The following DENND5B variants were observed in gnomAD, a reference collection of about 807,000 sequenced individuals.
DENND5B encodes DENN domain containing 5B.
A neutral mutation model predicts 140.6 loss-of-function variants in DENND5B; 34 were observed. The observed-to-expected ratio is 0.24, with a 90% confidence interval of 0.18 to 0.32. The LOEUF is 0.32. DENND5B is among the 10% of genes least tolerant of loss of function. DENND5B has a pLI of 1.00. For synonymous variants in DENND5B, 551 were observed against 562.1 expected, an observed-to-expected ratio of 0.98 and a Z score of 0.28; for missense variants, 1,142 against 1,560.2, an observed-to-expected ratio of 0.73 and a Z score of 4.52.
intron 10 of DENND5B, 110 bp downstream of exon 10, chr12:31,424,425 C>A: frequency 7.5e-7 from 1 of 1,338,038 alleles, no homozygotes; most frequent in East Asian, 2.6e-5. Flanking sequence ...TTTCTAGTCC[C>A]CTTGTGACAA....
At chr12:31,492,215 A>G (rs1946554959) in intron 2 of DENND5B, among the ~76,000 whole-genome samples, 1 of 152,222 alleles carries the variant, frequency 6.6e-6, no homozygotes, top group Admixed American at 6.5e-5. Flanking sequence ...CTTACATAAA[A>G]TAACCTCAGG....
At chr12:31,471,144 G>A (rs566618687) in intron 3 of DENND5B, among the ~76,000 whole-genome samples, 43 of 150,366 alleles carry the variant, frequency 2.9e-4, no homozygotes, top group Non-Finnish European at 4.1e-4. Context: ...TGGTCAGGGC[G>A]TGACAACTAG....
At chr12:31,511,169 TTCC>T (rs1160678276) in intron 1 of DENND5B, among the ~76,000 whole-genome samples, 2 of 151,960 alleles carry the variant, frequency 1.3e-5, no homozygotes, top group African/African-American at 4.8e-5. Flanking sequence ...AGCCCTGGAG[TTCC>T]AGACTGCAAT....
At chr12:31,444,444 A>C (rs1944184702) in intron 6 of DENND5B, among the ~76,000 whole-genome samples, 1 of 152,140 alleles carries the variant, frequency 6.6e-6, no homozygotes, top group African/African-American at 2.4e-5. Flanking sequence ...GGGTTTCACC[A>C]CATTGGCCAG....
chr12:31,549,454 A>G (rs1016933606), intron 1 of DENND5B, among the ~76,000 whole-genome samples: 1 of 151,870 alleles, frequency 6.6e-6, no homozygotes, highest in African/African-American at 2.4e-5. Context: ...CTAATTTTCT[A>G]TTCTTTAGAA....
rs766280264 is a variant in DENND5B at position 31,495,905 on chromosome 12, G to T, written c.142C>A (p.Gln48Lys). 3.1e-6 allele frequency: 5 copies of T among 1,608,432 alleles called. No individual in the cohort carries two copies. The highest frequency in any genetic ancestry group is 4.2e-6 in the Non-Finnish European group (5 of 1,177,608). ...TTGAATGTTCTTCTCAAAGGACTCT[G>T]GTCAAAATTTTCGCCTACAACAAAT... ...PDELAGENFDQSPLRRTFKSK... is the reference protein window; with the variant it reads ...PDELAGENFDKSPLRRTFKSK... Residue 48 changes from glutamine to lysine, a missense_variant, in exon 2 of 21, where the codon CAG becomes AAG. Transcript: ENST00000389082.
intron 1 of DENND5B, among the ~76,000 whole-genome samples, chr12:31,519,410 T>C (rs1468944498): frequency 6.6e-6 from 1 of 152,216 alleles, no homozygotes; most frequent in African/African-American, 2.4e-5. Flanking sequence ...TCTAAAAACT[T>C]TGTTAATGGA....
intron 4 of DENND5B, among the ~76,000 whole-genome samples, chr12:31,457,623 A>G (rs535995711): frequency 1.9e-3 from 295 of 152,326 alleles, no homozygotes; most frequent in Non-Finnish European, 2.9e-3. Context: ...CTCATTGTAA[A>G]ATGATACCAG....
At chr12:31,501,992 C>G (rs890606685) in intron 1 of DENND5B, among the ~76,000 whole-genome samples, 1 of 151,920 alleles carries the variant, frequency 6.6e-6, no homozygotes, top group Non-Finnish European at 1.5e-5. Flanking sequence ...AAATTACATT[C>G]CAGTATTTAA....
intron 1 of DENND5B, among the ~76,000 whole-genome samples, chr12:31,504,970 G>C (rs192912761): frequency 1.3e-5 from 2 of 152,282 alleles, no homozygotes; most frequent in South Asian, 2.1e-4. Flanking sequence ...TTGTGAAGTA[G>C]AGTGCCTCCC....
At chr12:31,520,810 G>A (rs1027357505) in intron 1 of DENND5B, among the ~76,000 whole-genome samples, 9 of 151,704 alleles carry the variant, frequency 5.9e-5, no homozygotes, top group African/African-American at 1.5e-4. Context: ...AAAGTGCTGG[G>A]ATTACAGGGG....
chr12:31,443,044 T>TTTTGTG, intron 6 of DENND5B, 119 bp from the exon 7 acceptor site: 2 of 506,162 alleles, frequency 4.0e-6, no homozygotes. Flanking sequence ...GAAACAGATA[T>TTTTGTG]TGTGTGTGTG....
At chr12:31,487,547 A>G (rs1296231129) in intron 2 of DENND5B, among the ~76,000 whole-genome samples, 1 of 152,064 alleles carries the variant, frequency 6.6e-6, no homozygotes, top group African/African-American at 2.4e-5. Context: ...CTAAAAATAC[A>G]AAAAATTAGC....
chr12:31,479,734 A>G lies in DENND5B; in HGVS notation c.759T>C (p.Pro253=), dbSNP rs778714211. 6.2e-7 allele frequency: 1 copy of G among 1,601,210 alleles called. No individual in the cohort carries two copies. The highest frequency in any genetic ancestry group is 1.1e-5 in the South Asian group (1 of 88,792). ...RSLKFYGVYE[P]VICQRPGPSE... ...TGGGCCCAGGCCTCTGGCAGATGAC[A>G]GGTTCATAAACACCATAAAATTTCA... Residue 253 remains proline (P), a synonymous_variant, in exon 3 of 21, where the codon CCT becomes CCC. Transcript: ENST00000389082.
rs1235056871 is a variant in DENND5B at position 31,562,366 on chromosome 12, T to G, written c.127+28340A>C. 2.6e-5 allele frequency among the ~76,000 whole-genome samples: 4 copies of G among 152,096 alleles called. No homozygotes were observed. The East Asian group carries it at 7.7e-4, about 29-fold the overall frequency. On this transcript the variant is annotated intron_variant, in intron 1 of 20. Coordinates refer to ENST00000389082, the MANE Select transcript of DENND5B (RefSeq NM_144973.4). ...AGCTCATGCCTATAATCCCAGCACG[T>G]TGGGAGGCCGAGGCAGGCGGATCAC...
chr12:31,404,056 A>G (rs1941985094), intron 14 of DENND5B, among the ~76,000 whole-genome samples: 1 of 151,762 alleles, frequency 6.6e-6, no homozygotes, highest in South Asian at 2.1e-4. Flanking sequence ...CCTTGTCTCT[A>G]TACAAAATAA....
intron 14 of DENND5B, among the ~76,000 whole-genome samples, chr12:31,406,693 GATTAA>G (rs1369056564): frequency 2.6e-5 from 4 of 152,142 alleles, no homozygotes; most frequent in Non-Finnish European, 5.9e-5. Context: ...AAAGCAATAT[GATTAA>G]ATTTAAAAAT....
At chr12:31,423,742 A>C (rs1025914569) in intron 10 of DENND5B, 67 bp from the exon 11 acceptor site, 1 of 1,504,162 alleles carries the variant, frequency 6.6e-7, no homozygotes, top group Non-Finnish European at 9.2e-7. Context: ...TCTCATCCAA[A>C]TCATTCATAT....
rs1591955502 is a variant in DENND5B at position 31,511,755 on chromosome 12, T to C, written c.128-15836A>G. Among the ~76,000 whole-genome samples the C allele has an allele frequency of 2.0e-5, 3 of 152,098 alleles. No individual in the cohort carries two copies. In the South Asian group the frequency reaches 6.2e-4, roughly 32 times the overall value. ...GCAATAAAAATGTTCGTTGAGTAAATGGATAGATGAATAAAAACTGTACTC... is the reference window on the plus strand; with the variant it reads ...GCAATAAAAATGTTCGTTGAGTAAACGGATAGATGAATAAAAACTGTACTC... On this transcript the variant is annotated intron_variant, in intron 1 of 20. Transcript: ENST00000389082.
Sources: gnomAD v4.1 joint callset for allele counts (sites outside exome capture counted in the v4.1 genomes callset) on GRCh38, gnomAD v4.1.1 for gene constraint, MANE v1.5 for transcripts, NCBI Gene and HGNC (gene_info 2026-07-23, HGNC 2026-07-21) for gene names.